TAB2: variants seen among roughly 807,000 people sequenced by gnomAD.
TAB2 encodes TGF-beta activated kinase 1 (MAP3K7) binding protein 2.
TAB2 carries 3 observed loss-of-function variants against 65.0 expected under a neutral mutation model. That is an observed-to-expected ratio of 0.05 (90% CI 0.02 to 0.12). The LOEUF (loss-of-function observed/expected upper bound fraction) is 0.12, where lower values mean the gene tolerates loss of function less well. Among genes scored for constraint, TAB2 ranks in the 10% least tolerant of loss-of-function variants. The pLI, the probability that TAB2 is intolerant of heterozygous loss-of-function variation, is 1.00. For synonymous variants in TAB2, 298 were observed against 285.1 expected (o/e 1.05, Z -0.46); for missense variants, 623 against 840.3 (o/e 0.74, Z 3.20).
intron 1 of TAB2, among the ~76,000 whole-genome samples, chr6:149,236,614 T>G (rs532610184): frequency 2.0e-5 from 3 of 152,282 alleles, no homozygotes; most frequent in Admixed American, 1.3e-4. Context: ...ATATAAAAAT[T>G]TTTTGAGTAA....
At chr6:149,308,927 G>A (rs1779118282) in intron 1 of TAB2, among the ~76,000 whole-genome samples, 1 of 151,986 alleles carries the variant, frequency 6.6e-6, no homozygotes, top group Non-Finnish European at 1.5e-5. Context: ...CTTAGTTTCT[G>A]TAGACTATAA....
chr6:149,363,189 G>T (rs1263513110), intron 1 of TAB2, among the ~76,000 whole-genome samples: 1 of 152,146 alleles, frequency 6.6e-6, no homozygotes, highest in Admixed American at 6.5e-5. Context: ...GGGCAGAGGA[G>T]TATAGCAGTG....
chr6:149,308,131 G>A (rs888687660), intron 1 of TAB2, among the ~76,000 whole-genome samples: 6 of 152,056 alleles, frequency 3.9e-5, no homozygotes, highest in South Asian at 4.1e-4. Context: ...GATGTATTAC[G>A]GTTGTTTTCT....
At chr6:149,384,070 G>C (rs1187017236) in intron 3 of TAB2, among the ~76,000 whole-genome samples, 2 of 151,954 alleles carry the variant, frequency 1.3e-5, no homozygotes, top group Non-Finnish European at 2.9e-5. Flanking sequence ...GAGTGGTATG[G>C]GTAAGAAAAA....
chr6:149,294,613 TC>T (rs1373985315), intron 1 of TAB2, among the ~76,000 whole-genome samples: 4 of 152,222 alleles, frequency 2.6e-5, no homozygotes, highest in Non-Finnish European at 5.9e-5. Context: ...TATAGCTTCT[TC>T]CTCCTATCTA....
chr6:149,254,450 T>C (rs903453398), intron 1 of TAB2, among the ~76,000 whole-genome samples: 7 of 152,368 alleles, frequency 4.6e-5, no homozygotes, highest in African/African-American at 1.7e-4. Flanking sequence ...ATATGACGAC[T>C]GTTTCTGAAC....
At chr6:149,365,195 CAT>C (rs1780999823) in intron 1 of TAB2, among the ~76,000 whole-genome samples, 1 of 152,134 alleles carries the variant, frequency 6.6e-6, no homozygotes, top group South Asian at 2.1e-4. Context: ...TGCATCTTAA[CAT>C]AGGAAATGTG....
intron 1 of TAB2, among the ~76,000 whole-genome samples, chr6:149,261,548 G>T (rs1321910997): frequency 6.6e-6 from 1 of 152,134 alleles, no homozygotes; most frequent in Non-Finnish European, 1.5e-5. Flanking sequence ...ATGAAAGGGA[G>T]CAAAGTCTCC....
chr6:149,278,552 G>C (rs1016752499), intron 1 of TAB2, among the ~76,000 whole-genome samples: 1 of 152,168 alleles, frequency 6.6e-6, no homozygotes. Flanking sequence ...GATGAAGAAG[G>C]TATCATTTGA....
intron 1 of TAB2, chr6:149,246,550 A>T (rs570406223): frequency 2.0e-5 from 3 of 152,374 alleles, no homozygotes; most frequent in East Asian, 3.9e-4. Context: ...AGAAATCCCA[A>T]GTTCACCGCA....
intron 3 of TAB2, among the ~76,000 whole-genome samples, chr6:149,387,480 G>A (rs935681060): frequency 1.3e-5 from 2 of 152,002 alleles, no homozygotes; most frequent in Admixed American, 1.3e-4. Flanking sequence ...TGTTCTTTAT[G>A]CCAATACCAT....
chr6:149,394,508 C>G (rs949484826), intron 3 of TAB2, among the ~76,000 whole-genome samples: 1 of 152,046 alleles, frequency 6.6e-6, no homozygotes, highest in African/African-American at 2.4e-5. Context: ...TATTGAATGC[C>G]ACACACTATG....
At chr6:149,356,680 T>C (rs1423948506) in intron 1 of TAB2, among the ~76,000 whole-genome samples, 2 of 152,204 alleles carry the variant, frequency 1.3e-5, no homozygotes, top group East Asian at 3.8e-4. Context: ...TCTTGGGGGA[T>C]AGGATGTCAC....
intron 1 of TAB2, among the ~76,000 whole-genome samples, chr6:149,354,546 ATT>A (rs1780595252): frequency 6.6e-6 from 1 of 152,100 alleles, no homozygotes; most frequent in Admixed American, 6.6e-5. Flanking sequence ...TTTAAAATTT[ATT>A]TGTGTGTTTT....
At chr6:149,303,589 T>C (rs1287285042) in intron 1 of TAB2, among the ~76,000 whole-genome samples, 1 of 152,206 alleles carries the variant, frequency 6.6e-6, no homozygotes, top group East Asian at 1.9e-4. Flanking sequence ...AGAATAATTA[T>C]AGGTAATTTT....
intron 1 of TAB2, among the ~76,000 whole-genome samples, chr6:149,275,219 G>A (rs1399658309): frequency 2.9e-5 from 3 of 105,124 alleles, no homozygotes; most frequent in African/African-American, 8.9e-5. Context: ...TTGGGCGGGG[G>A]AGGGGGGAGA....
At chr6:149,344,728 G>A (rs1456654019) in intron 1 of TAB2, among the ~76,000 whole-genome samples, 1 of 152,158 alleles carries the variant, frequency 6.6e-6, no homozygotes. Context: ...TAGAGTGAGG[G>A]TTGAATTGAT....
intron 6 of TAB2, among the ~76,000 whole-genome samples, chr6:149,408,741 G>A (rs1437209292): frequency 6.6e-6 from 1 of 152,122 alleles, no homozygotes; most frequent in Non-Finnish European, 1.5e-5. Context: ...GTAATCGCTT[G>A]TTAGAGATAA....
At chr6:149,241,874 G>A (rs1275250746) in intron 1 of TAB2, among the ~76,000 whole-genome samples, 2 of 152,162 alleles carry the variant, frequency 1.3e-5, no homozygotes, top group Non-Finnish European at 2.9e-5. Context: ...AACTGGACCT[G>A]AAGCCCACTC....
Sources: allele counts gnomAD v4.1 joint callset (sites outside exome capture counted in the v4.1 genomes callset), GRCh38; gene constraint gnomAD v4.1.1; transcripts MANE v1.5; gene names NCBI Gene and HGNC (gene_info 2026-07-23, HGNC 2026-07-21).